The following CPQ variants were observed in gnomAD, a reference collection of about 807,000 sequenced individuals.
The protein encoded by CPQ is Ser-Met dipeptidase.
Under a neutral mutation model 45.7 loss-of-function variants are expected in CPQ, and 37 were observed. The ratio of observed to expected loss-of-function variants is 0.81; its 90% CI spans 0.62 to 1.07. CPQ has a LOEUF of 1.07. CPQ is among the 50% of genes least tolerant of loss of function. The pLI is 0.00. For synonymous variants in CPQ, 186 were observed against 205.8 expected, an observed-to-expected ratio of 0.90 and a Z score of 0.82; for missense variants, 537 against 572.9, an observed-to-expected ratio of 0.94 and a Z score of 0.64.
chr8:97,107,226 T>G (rs917639009), intron 7 of CPQ, among the ~76,000 whole-genome samples: 1 of 152,218 alleles, frequency 6.6e-6, no homozygotes, highest in African/African-American at 2.4e-5. Context: ...ATTAAACAAA[T>G]ATGTGCTTTG....
At chr8:96,991,400 A>C (rs930722800) in intron 5 of CPQ, among the ~76,000 whole-genome samples, 2 of 151,804 alleles carry the variant, frequency 1.3e-5, no homozygotes, top group African/African-American at 4.8e-5. Flanking sequence ...TACTAAACAT[A>C]CACAAATTAG....
intron 3 of CPQ, among the ~76,000 whole-genome samples, chr8:96,851,866 C>T (rs1416486951): frequency 6.6e-6 from 1 of 152,180 alleles, no homozygotes; most frequent in African/African-American, 2.4e-5. Flanking sequence ...CTGTGAGGCC[C>T]ATTTGTTTCC....
At chr8:96,693,509 G>A (rs114195338) in intron 1 of CPQ, among the ~76,000 whole-genome samples, 1,795 of 152,234 alleles carry the variant, frequency 0.012, 47 homozygotes, top group African/African-American at 0.039. Context: ...AATACATCTG[G>A]CAGCAGACTT....
At chr8:96,966,987 T>G (rs570690584) in intron 5 of CPQ, among the ~76,000 whole-genome samples, 140 of 152,280 alleles carry the variant, frequency 9.2e-4, no homozygotes, top group African/African-American at 2.3e-3. Flanking sequence ...AACATCTAAT[T>G]TTAGAATTGG....
intron 7 of CPQ, among the ~76,000 whole-genome samples, chr8:97,084,128 A>C (rs562894848): frequency 6.6e-6 from 1 of 152,162 alleles, no homozygotes; most frequent in African/African-American, 2.4e-5. Context: ...TATATCAAAG[A>C]AACACGAATA....
intron 7 of CPQ, among the ~76,000 whole-genome samples, chr8:97,108,154 T>A (rs1051995887): frequency 1.3e-5 from 2 of 152,212 alleles, no homozygotes; most frequent in Non-Finnish European, 2.9e-5. Flanking sequence ...TCTATGTAAG[T>A]CTCACTAATA....
intron 1 of CPQ, among the ~76,000 whole-genome samples, chr8:96,662,426 C>A (rs1815710792): frequency 6.6e-6 from 1 of 152,134 alleles, no homozygotes; most frequent in Admixed American, 6.6e-5. Context: ...TTTTTCAGGG[C>A]AGAGTATTAA....
chr8:96,740,632 G>A (rs1018118881), intron 1 of CPQ, among the ~76,000 whole-genome samples: 27 of 149,928 alleles, frequency 1.8e-4, no homozygotes, highest in Non-Finnish European at 2.4e-4. Flanking sequence ...TTTGAGATAC[G>A]TCCCATCAAT....
At chr8:96,653,484 G>A (rs778925421) in intron 1 of CPQ, among the ~76,000 whole-genome samples, 14 of 152,108 alleles carry the variant, frequency 9.2e-5, no homozygotes, top group East Asian at 1.9e-4. Context: ...GGGGCTTAGC[G>A]GTGCTGACTC....
intron 2 of CPQ, among the ~76,000 whole-genome samples, chr8:96,826,720 C>T (rs1811384058): frequency 6.6e-6 from 1 of 151,888 alleles, no homozygotes; most frequent in Non-Finnish European, 1.5e-5. Flanking sequence ...CCCATCAGCC[C>T]ATTACCTAGG....
At chr8:96,689,708 C>T (rs1451644567) in intron 1 of CPQ, among the ~76,000 whole-genome samples, 2 of 152,004 alleles carry the variant, frequency 1.3e-5, no homozygotes, top group African/African-American at 4.8e-5. Context: ...CTGTTCCTTC[C>T]ATTGTTTTGA....
At chr8:97,017,421 G>A (rs2130449234) in intron 5 of CPQ, among the ~76,000 whole-genome samples, 1 of 152,284 alleles carries the variant, frequency 6.6e-6, no homozygotes, top group East Asian at 1.9e-4. Flanking sequence ...AGAACTGGGG[G>A]GAGGGCATGA....
At chr8:97,007,912 G>A (rs991438086) in intron 5 of CPQ, among the ~76,000 whole-genome samples, 34 of 152,138 alleles carry the variant, frequency 2.2e-4, no homozygotes, top group Non-Finnish European at 7.4e-5. Flanking sequence ...ACTCACTGCG[G>A]TATAATTATT....
rs372650907 is a variant in CPQ, at chr8:96,785,243, G to A, written c.346G>A (p.Gly116Arg). ...AGTGAGAATACCCCACTGGGAGAGG[G>A]GAGAAGAATCAGCTGTGATGCTGGA... is the stretch of plus-strand genomic sequence containing the variant. Reference protein sequence around the residue: ...EPVRIPHWERGEESAVMLEPR... With the variant: ...EPVRIPHWERREESAVMLEPR... The change falls in exon 2 of 8, where the codon GGA becomes AGA. Residue 116 changes from glycine to arginine, a missense_variant. Coordinates refer to ENST00000220763, the MANE Select transcript of CPQ (RefSeq NM_016134.4). 1 of 1,613,564 alleles carries A rather than the reference G, an allele frequency of 6.2e-7. No homozygotes were observed. The highest frequency in any genetic ancestry group is 1.1e-5 in the South Asian group (1 of 91,060).
chr8:97,026,021 T>C (rs1268337430), intron 5 of CPQ, among the ~76,000 whole-genome samples: 1 of 152,214 alleles, frequency 6.6e-6, no homozygotes, highest in Admixed American at 6.5e-5. Context: ...AAAGAAGTTA[T>C]GTATTTTCCT....
At chr8:96,847,130 A>G (rs1452232083) in intron 3 of CPQ, among the ~76,000 whole-genome samples, 27 of 152,294 alleles carry the variant, frequency 1.8e-4, no homozygotes, top group Non-Finnish European at 1.5e-5. Flanking sequence ...TGTCTAAGGC[A>G]TTATCTCTGG....
At chr8:96,657,856 TGTGAAGTAGC>T in intron 1 of CPQ, among the ~76,000 whole-genome samples, 1 of 152,230 alleles carries the variant, frequency 6.6e-6, no homozygotes, top group African/African-American at 2.4e-5. Context: ...TTCATAATGC[TGTGAAGTAGC>T]TCATATAATT....
At chr8:96,743,087 A>T (rs1810118783) in intron 1 of CPQ, among the ~76,000 whole-genome samples, 1 of 151,950 alleles carries the variant, frequency 6.6e-6, no homozygotes, top group African/African-American at 2.4e-5. Context: ...ACTTGGTTCC[A>T]TTCTCCCGGT....
chr8:96,722,146 C>T (rs772808584), intron 1 of CPQ, among the ~76,000 whole-genome samples: 5 of 152,136 alleles, frequency 3.3e-5, no homozygotes, highest in Non-Finnish European at 4.4e-5. Context: ...TAGTACAATG[C>T]ATGGTTCACA....
Sources: allele counts gnomAD v4.1 joint callset (sites outside exome capture counted in the v4.1 genomes callset), GRCh38; gene constraint gnomAD v4.1.1; transcripts MANE v1.5; gene names NCBI Gene and HGNC (gene_info 2026-07-23, HGNC 2026-07-21).